Variants in ATP10B observed in about 807,000 individuals in gnomAD.
ATP10B encodes phospholipid-transporting ATPase VB.
In ATP10B, 122 loss-of-function variants were observed where a neutral mutation model predicts 141.2. The ratio of observed to expected loss-of-function variants is 0.86; its 90% CI spans 0.75 to 1.00. The LOEUF is 1.00. Among genes scored for constraint, ATP10B ranks in the 50% least tolerant of loss-of-function variants. ATP10B has a pLI of 0.00. For synonymous variants in ATP10B, 685 were observed against 692.0 expected, an observed-to-expected ratio of 0.99 and a Z score of 0.16; for missense variants, 1,876 against 1,825.3, an observed-to-expected ratio of 1.03 and a Z score of -0.51.
chr5:160,841,955 C>T (rs530547217), intron 1 of ATP10B, among the ~76,000 whole-genome samples: 93 of 152,136 alleles, frequency 6.1e-4, no homozygotes, highest in Non-Finnish European at 1.2e-3. Flanking sequence ...GAACTCCTGA[C>T]CTCAGGTGAT....
At chr5:160,714,012 G>A (rs1472023852) in intron 3 of ATP10B, among the ~76,000 whole-genome samples, 1 of 43,534 alleles carries the variant, frequency 2.3e-5, no homozygotes, top group Non-Finnish European at 4.1e-5. Flanking sequence ...TTTCCTTTGA[G>A]GGTAACCCGA....
At chr5:160,879,447 T>A in the ATP10B span, among the ~76,000 whole-genome samples, 51 of 132,836 alleles carry the variant, frequency 3.8e-4, no homozygotes, top group South Asian at 0.013. Context: ...GATGACGAGT[T>A]AGTGGGTGCA....
chr5:160,860,574 C>T, the ATP10B span, among the ~76,000 whole-genome samples: 1 of 151,854 alleles, frequency 6.6e-6, no homozygotes. Flanking sequence ...AATGAAGAAA[C>T]TTTATACTAA....
In ATP10B at chr5:160,606,891, C is replaced by G; in HGVS notation, c.3034G>C (p.Glu1012Gln). 1 of 1,614,164 alleles carries G rather than the reference C, an allele frequency of 6.2e-7. No homozygotes were observed. Among genetic ancestry groups the G allele is most frequent in the East Asian group, 2.2e-5 (1 of 44,872 alleles). Residue 1012 changes from glutamate (E) to glutamine (Q), a missense_variant, in exon 19 of 26, where the codon GAG becomes CAG. Physicochemically the swap from Glu to Gln is conservative, Grantham distance 29. Transcript: ENST00000327245. ...TGGGTCAATTCCAGAAACTTCTTCT[C>G]TAGCTTTCCCTGGAAGATGGCATTC... ...TLNAIFQGKL[E>Q]KKFLELTQYC...
At chr5:160,596,306 A>C (rs549711169) in intron 22 of ATP10B, among the ~76,000 whole-genome samples, 1 of 152,158 alleles carries the variant, frequency 6.6e-6, no homozygotes, top group African/African-American at 2.4e-5. Context: ...TGATTATCCC[A>C]ATAGATGCAG....
At chr5:160,886,952 G>C in the ATP10B span, among the ~76,000 whole-genome samples, 5 of 152,200 alleles carry the variant, frequency 3.3e-5, no homozygotes, top group Admixed American at 1.3e-4. Context: ...CCTCCAGCAG[G>C]AAATGTATTC....
At chr5:160,824,208 G>A (rs143936789) in intron 1 of ATP10B, among the ~76,000 whole-genome samples, 1 of 151,956 alleles carries the variant, frequency 6.6e-6, no homozygotes, top group Non-Finnish European at 1.5e-5. Context: ...AGTAGAGACA[G>A]GGTTTCACCA....
upstream of ATP10B, among the ~76,000 whole-genome samples, chr5:160,856,536 C>T (rs1754003036): frequency 6.6e-6 from 1 of 151,636 alleles, no homozygotes; most frequent in Non-Finnish European, 1.5e-5. Context: ...ACTTTTAAGG[C>T]TATGTTGAAT....
At chr5:160,835,623 A>G (rs1038116690) in intron 1 of ATP10B, among the ~76,000 whole-genome samples, 7 of 152,126 alleles carry the variant, frequency 4.6e-5, no homozygotes, top group Non-Finnish European at 7.3e-5. Context: ...AAATATTACC[A>G]CATCATTTTC....
At chr5:160,837,673 C>G (rs1775541092) in intron 1 of ATP10B, among the ~76,000 whole-genome samples, 1 of 152,134 alleles carries the variant, frequency 6.6e-6, no homozygotes, top group Non-Finnish European at 1.5e-5. Flanking sequence ...AGTCATCCTA[C>G]AGAAAACACA....
intron 1 of ATP10B, among the ~76,000 whole-genome samples, chr5:160,796,687 A>G (rs967860984): frequency 3.9e-5 from 6 of 152,156 alleles, no homozygotes; most frequent in Admixed American, 3.3e-4. Context: ...TCCTTTTAAT[A>G]TTTGTTGCAC....
the ATP10B span, among the ~76,000 whole-genome samples, chr5:160,890,113 T>G: frequency 6.6e-6 from 1 of 152,184 alleles, no homozygotes; most frequent in Non-Finnish European, 1.5e-5. Context: ...GATTAATGTC[T>G]GTTTCTTCCA....
chr5:160,919,407 A>G, the ATP10B span, among the ~76,000 whole-genome samples: 3 of 152,090 alleles, frequency 2.0e-5, no homozygotes, highest in African/African-American at 7.2e-5. Context: ...CAGGACTCAC[A>G]CAAAGCAAGT....
intron 24 of ATP10B, among the ~76,000 whole-genome samples, chr5:160,583,406 G>A (rs1045486459): frequency 1.3e-5 from 2 of 152,190 alleles, no homozygotes; most frequent in Non-Finnish European, 2.9e-5. Flanking sequence ...AGAGGCTGCA[G>A]AACAGCAAAG....
intron 13 of ATP10B, among the ~76,000 whole-genome samples, chr5:160,624,846 G>A (rs1758530395): frequency 6.6e-6 from 1 of 152,126 alleles, no homozygotes; most frequent in Non-Finnish European, 1.5e-5. Flanking sequence ...CTAGTCTAAG[G>A]TTTTTCATTT....
intron 21 of ATP10B, among the ~76,000 whole-genome samples, chr5:160,599,341 A>G (rs1756944062): frequency 6.6e-6 from 1 of 152,212 alleles, no homozygotes; most frequent in South Asian, 2.1e-4. Context: ...GAACCTATTG[A>G]GGACATTAAT....
chr5:160,677,001 G>A (rs1351099635), intron 6 of ATP10B, among the ~76,000 whole-genome samples: 2 of 152,158 alleles, frequency 1.3e-5, no homozygotes, highest in African/African-American at 4.8e-5. Flanking sequence ...GAGGCATGAA[G>A]CTGATTGAGC....
intron 2 of ATP10B, among the ~76,000 whole-genome samples, chr5:160,724,097 G>C (rs532618651): frequency 1.3e-4 from 20 of 152,174 alleles, no homozygotes; most frequent in Admixed American, 1.2e-3. Flanking sequence ...GTACAGAGAG[G>C]GGAAGAACAT....
At chr5:160,583,273 C>CT (rs955740021) in intron 24 of ATP10B, among the ~76,000 whole-genome samples, 14 of 151,938 alleles carry the variant, frequency 9.2e-5, no homozygotes, top group South Asian at 2.1e-4. Flanking sequence ...TCTGTATGGG[C>CT]TTTTTTTTGT....
Sources: gnomAD v4.1 joint callset for allele counts (sites outside exome capture counted in the v4.1 genomes callset) on GRCh38, gnomAD v4.1.1 for gene constraint, MANE v1.5 for transcripts, NCBI Gene and HGNC (gene_info 2026-07-23, HGNC 2026-07-21) for gene names.